Variants in MLC1 observed in about 807,000 individuals in gnomAD.
MLC1 encodes the protein modulator of VRAC current 1.
MLC1 carries 32 observed loss-of-function variants against 44.7 expected under a neutral mutation model. That is an observed-to-expected ratio of 0.72 (90% CI 0.54 to 0.96). MLC1 has a LOEUF of 0.96. Ranked by LOEUF, MLC1 falls within the 40% of genes least tolerant of loss-of-function variation. MLC1 has a pLI of 0.00. For missense variants in MLC1, 459 were observed against 492.2 expected, an observed-to-expected ratio of 0.93 and a Z score of 0.64; for synonymous variants, 190 against 213.0, an observed-to-expected ratio of 0.89 and a Z score of 0.94.
intron 8 of MLC1, among the ~76,000 whole-genome samples, chr22:50,070,986 C>T (rs1446928139): frequency 2.0e-5 from 3 of 152,208 alleles, no homozygotes; most frequent in Non-Finnish European, 4.4e-5. Context: ...CACTCTTGCA[C>T]ACACCCAAAG....
chr22:50,071,343 C>A (rs909350983), intron 8 of MLC1, among the ~76,000 whole-genome samples: 1 of 152,152 alleles, frequency 6.6e-6, no homozygotes, highest in Admixed American at 6.6e-5. Context: ...CCGCCCGCCT[C>A]GGCCTCCCAA....
chr22:50,079,858 C>T, intron 5 of MLC1, 60 bp downstream of exon 5: 1 of 1,202,668 alleles, frequency 8.3e-7, no homozygotes, highest in East Asian at 2.3e-5. Context: ...TTTGCTGACA[C>T]CATTCGTGGG....
At chr22:50,077,573 G>C (rs2062016443) in intron 5 of MLC1, 71 bp from the exon 6 acceptor site, 1 of 1,295,170 alleles carries the variant, frequency 7.7e-7, no homozygotes, top group Admixed American at 1.8e-5. Flanking sequence ...GCGTCCACCG[G>C]ACCACCTCAC....
At chr22:50,069,710 C>T (rs5771143) in intron 9 of MLC1, among the ~76,000 whole-genome samples, 18,578 of 152,114 alleles carry the variant, frequency 0.12, 1,272 homozygotes, top group South Asian at 0.23. Flanking sequence ...AAAAATAGCC[C>T]TTCCGCATGG....
chr22:50,084,756 G>A lies in MLC1; in HGVS notation c.147C>T (p.His49=), dbSNP rs1354352152. ...TCAGCACAGAGAAGACCCACGTCTT[G>A]TGGCTGAAGCAGGGGGGCAGTCTCT... ...LSKRLPPCFS[H]KTWVFSVLMG... The change falls in exon 2 of 12, where the codon CAC becomes CAT. Residue 49 remains histidine, a synonymous_variant. Coordinates refer to ENST00000311597, the MANE Select transcript of MLC1 (RefSeq NM_015166.4). The A allele has an allele frequency of 1.1e-5, 18 of 1,614,042 alleles. No homozygotes were observed. The South Asian group carries it at 1.9e-4, about 17-fold the overall frequency.
intron 8 of MLC1, among the ~76,000 whole-genome samples, chr22:50,070,921 T>A (rs1013882741): frequency 7.2e-5 from 11 of 151,968 alleles, no homozygotes; most frequent in Non-Finnish European, 1.6e-4. Flanking sequence ...TCTCTCCAGC[T>A]CTCCCAGATA....
At chr22:50,062,136 GCCAC>G (rs2061574927) in intron 11 of MLC1, among the ~76,000 whole-genome samples, 2 of 150,580 alleles carry the variant, frequency 1.3e-5, no homozygotes, top group South Asian at 2.1e-4. Flanking sequence ...CTGAGCCCCA[GCCAC>G]CCACCCTGAG....
At chr22:50,062,547 G>A (rs2061594220) in intron 11 of MLC1, among the ~76,000 whole-genome samples, 1 of 152,254 alleles carries the variant, frequency 6.6e-6, no homozygotes, top group African/African-American at 2.4e-5. Flanking sequence ...GGTGGAGGGT[G>A]GGGGCGACGG....
At chr22:50,085,211 C>T in intron 1 of MLC1, 144 bp downstream of exon 1, 2 of 1,256,808 alleles carry the variant, frequency 1.6e-6, no homozygotes, top group Non-Finnish European at 1.0e-6. Context: ...CCTCCAGGTG[C>T]AACACCTGAC....
intron 10 of MLC1, among the ~76,000 whole-genome samples, chr22:50,067,990 T>G (rs2061754451): frequency 6.6e-6 from 1 of 151,054 alleles, no homozygotes; most frequent in Admixed American, 6.6e-5. Flanking sequence ...ACTAGGTATC[T>G]AAGAAATACA....
Position 50,064,185 on chromosome 22 carries a change from A to T in MLC1, c.908T>A (p.Val303Glu). The T allele has an allele frequency of 6.3e-7, 1 of 1,599,498 alleles. No individual in the cohort carries two copies. The highest frequency in any genetic ancestry group is 8.5e-7 in the Non-Finnish European group (1 of 1,178,072). The change falls in exon 11 of 12, where the codon GTG becomes GAG. Residue 303 changes from valine to glutamate, a missense_variant. Coordinates refer to ENST00000311597, the MANE Select transcript of MLC1 (RefSeq NM_015166.4). ...CACTAGCAGCAGCAGCAGCAGCAGCACATCGTAGGATGGCTGCAGGCGGAA... is the reference window on the plus strand; with the variant it reads ...CACTAGCAGCAGCAGCAGCAGCAGCTCATCGTAGGATGGCTGCAGGCGGAA... ...YPPAIKPSYD[V>E]LLLLLLLVLL... is the part of the protein sequence containing the mutation.
Position 50,077,445 on chromosome 22 carries a change from T to G in MLC1, c.481A>C (p.Ile161Leu). ...LLELLMAATV[I>L]IAARSSEEDC... ...TCCTCGCTGGACCGTGCAGCGATGA[T>G]CACCGTGGCCGCCATGAGCAGCTCC... Residue 161 changes from isoleucine to leucine, a missense_variant, in exon 6 of 12, where the codon ATC becomes CTC. Ile to Leu is a conservative substitution (Grantham distance 5). Transcript: ENST00000311597. The G allele has an allele frequency of 6.2e-7, 1 of 1,613,884 alleles. No homozygotes were observed.
At chr22:50,079,209 G>A (rs900123012) in intron 5 of MLC1, among the ~76,000 whole-genome samples, 9 of 151,944 alleles carry the variant, frequency 5.9e-5, no homozygotes, top group Non-Finnish European at 5.9e-5. Flanking sequence ...GCTTGAACCC[G>A]GGAGGTAGAG....
chr22:50,065,689 G>A (rs1392984778), intron 10 of MLC1, among the ~76,000 whole-genome samples: 3 of 152,216 alleles, frequency 2.0e-5, no homozygotes, highest in Non-Finnish European at 4.4e-5. Context: ...GACACCCTCT[G>A]TGGGGGGCTG....
In MLC1 at chr22:50,080,360, C is replaced by A. The variant is rs2062091982; in HGVS notation, c.305G>T (p.Arg102Met). The A allele has an allele frequency of 5.0e-6, 8 of 1,608,116 alleles. No homozygotes were observed. The highest frequency in any genetic ancestry group is 5.9e-6 in the Non-Finnish European group (7 of 1,177,308). The change falls in exon 4 of 12, where the codon AGG becomes ATG. Residue 102 changes from arginine to methionine, a missense_variant. Transcript: ENST00000311597. The part of the protein sequence containing the change: ...PSAIVSFTVS[R>M]RNANVIPNFQ... ...TAGACTCACCACATTGGCGTTCCTCCTGGAGACGGTGAAGCTCACAATTGC... is the reference window on the plus strand; with the variant it reads ...TAGACTCACCACATTGGCGTTCCTCATGGAGACGGTGAAGCTCACAATTGC...
At chr22:50,070,796 C>A (rs2061833520) in intron 8 of MLC1, among the ~76,000 whole-genome samples, 1 of 152,162 alleles carries the variant, frequency 6.6e-6, no homozygotes, top group Admixed American at 6.5e-5. Context: ...TTTGTGTGCT[C>A]TCTGTTCCTC....
rs900685451 is a variant in MLC1, at chr22:50,070,590, G to A, written c.715-7C>T. On this transcript the variant is annotated splice_region_variant and splice_polypyrimidine_tract_variant and intron_variant, in intron 8 of 11. Transcript: ENST00000311597. ...CAATGGCACTTGGAAAGCACTAAGA[G>A]AAAAGAAAAAGGAAAGATTTTAGAG... 1.9e-6 allele frequency: 3 copies of A among 1,559,084 alleles called. No homozygotes were observed. The highest frequency in any genetic ancestry group is 2.6e-6 in the Non-Finnish European group (3 of 1,150,724).
chr22:50,081,611 G>A (rs1334123139), intron 3 of MLC1, among the ~76,000 whole-genome samples: 4 of 152,218 alleles, frequency 2.6e-5, no homozygotes, highest in Non-Finnish European at 5.9e-5. Context: ...ATGGGACCCC[G>A]GGCCCTGAGT....
At chr22:50,070,893 T>G (rs549272101) in intron 8 of MLC1, among the ~76,000 whole-genome samples, 1 of 152,156 alleles carries the variant, frequency 6.6e-6, no homozygotes. Flanking sequence ...CCAGAGTCCT[T>G]GACATTCATA....
Sources: allele counts gnomAD v4.1 joint callset (sites outside exome capture counted in the v4.1 genomes callset), GRCh38; gene constraint gnomAD v4.1.1; transcripts MANE v1.5; gene names NCBI Gene and HGNC (gene_info 2026-07-23, HGNC 2026-07-21).